Variants in SLC7A8 observed in about 807,000 individuals in gnomAD.
SLC7A8 encodes large neutral amino acids transporter small subunit 2.
In SLC7A8, 30 loss-of-function variants were observed where a neutral mutation model predicts 51.2. The ratio of observed to expected loss-of-function variants is 0.59; its 90% CI spans 0.44 to 0.80. SLC7A8 has a LOEUF of 0.80. SLC7A8 is among the 30% of genes least tolerant of loss of function. The probability of loss-of-function intolerance (pLI) is 0.00; values close to 1 mark genes in which losing one functional copy is unlikely to be tolerated. For missense variants in SLC7A8, 612 were observed against 674.4 expected (o/e 0.91, Z 1.03); for synonymous variants, 257 against 275.8 (o/e 0.93, Z 0.67).
intron 4 of SLC7A8, among the ~76,000 whole-genome samples, chr14:23,142,189 G>C (rs2048751603): frequency 6.6e-6 from 1 of 152,176 alleles, no homozygotes; most frequent in African/African-American, 2.4e-5. Context: ...AGGGCTTGTG[G>C]GAAATTTCCC....
intron 7 of SLC7A8, among the ~76,000 whole-genome samples, chr14:23,133,255 T>G (rs1004229961): frequency 6.6e-6 from 1 of 151,768 alleles, no homozygotes; most frequent in African/African-American, 2.4e-5. Context: ...CTGGGCAAAA[T>G]AGTGGACCCT....
At position 23,165,658 on chromosome 14, in the gene SLC7A8, C is replaced by T. The variant is rs1437434224; in HGVS notation, c.357-222G>A. 6.6e-6 allele frequency among the ~76,000 whole-genome samples: 1 copy of T among 152,184 alleles called. No individual in the cohort carries two copies. The highest frequency in any genetic ancestry group is 1.5e-5 in the Non-Finnish European group (1 of 68,030). Reference sequence around the variant, plus strand: ...AAGCACTAACACAAGTCTTGGCGTTCTTCCTTTCTCTCCTCTCCTTTCATG... The same window carrying T: ...AAGCACTAACACAAGTCTTGGCGTTTTTCCTTTCTCTCCTCTCCTTTCATG... On this transcript the variant is annotated intron_variant, in intron 2 of 10. Coordinates refer to ENST00000316902, the MANE Select transcript of SLC7A8 (RefSeq NM_012244.4). The surrounding 1 kb of genome is among the most constrained non-coding windows in gnomAD (Gnocchi z 4.2).
At position 23,182,819 on chromosome 14, in the gene SLC7A8, G is replaced by A. The variant is rs200672039; in HGVS notation, c.96C>T (p.Gly32=). 1.2e-5 allele frequency: 20 copies of A among 1,613,144 alleles called. No homozygotes were observed. Among genetic ancestry groups the A allele is most frequent in the Non-Finnish European group, 1.7e-5 (20 of 1,179,672 alleles). The change falls in exon 1 of 11, where the codon GGC becomes GGT. Residue 32 remains glycine, a synonymous_variant. Transcript: ENST00000316902. ...CGATCTCTTTCTTCAGGGCTACTCC[G>A]CCCCCTCCGGAACCAGCCTCGGGGC... The part of the protein sequence containing the change: ...DASPEAGSGG[G]GVALKKEIGL...
chr14:23,133,140 A>T (rs1252965559), intron 7 of SLC7A8, among the ~76,000 whole-genome samples: 1 of 152,156 alleles, frequency 6.6e-6, no homozygotes, highest in African/African-American at 2.4e-5. Flanking sequence ...GATTGAGTTT[A>T]AAAAAATTAT....
In SLC7A8 at chr14:23,126,746, C is replaced by A. The variant is rs2048580184; in HGVS notation, c.*431G>T. The A allele has an allele frequency of 1.0e-5, 2 of 196,654 alleles. No individual in the cohort carries two copies. The allele number at this position is 196,654 out of a possible 1,614,324, so 12.2% of individuals were successfully genotyped here. Reference sequence around the variant, plus strand: ...TAGGGTCTTGGGTCTCTCCAGCTGACCCCTTGATGGGGACAGAATTGCTTG... The same window carrying A: ...TAGGGTCTTGGGTCTCTCCAGCTGAACCCTTGATGGGGACAGAATTGCTTG... On this transcript the variant is annotated 3_prime_UTR_variant, in exon 11 of 11. Coordinates refer to ENST00000316902, the MANE Select transcript of SLC7A8 (RefSeq NM_012244.4).
At chr14:23,154,227 G>A (rs1385926580) in intron 3 of SLC7A8, 1 of 998,790 alleles carries the variant, frequency 1.0e-6, no homozygotes, top group East Asian at 1.1e-4. Context: ...CTGGGTCATG[G>A]CCTGCCAGAA....
chr14:23,144,428 T>C (rs2048773124), intron 3 of SLC7A8, among the ~76,000 whole-genome samples: 1 of 151,498 alleles, frequency 6.6e-6, no homozygotes, highest in Admixed American at 6.6e-5. Flanking sequence ...TGGCTAATGA[T>C]GTTGAGCAAC....
rs374870578 is a variant in SLC7A8, at chr14:23,165,357, C to T, written c.436G>A (p.Val146Met). ...CAGGTGGGGAAGAGCGGCTGCAGCA[C>T]GTAGTTGGAGAAGGTGAGGGCGATG... ...AVIALTFSNY[V>M]LQPLFPTCFP... The change falls in exon 3 of 11, where the codon GTG becomes ATG. Residue 146 changes from valine to methionine, a missense_variant. By Grantham distance (21) the Val-to-Met change is conservative. Transcript: ENST00000316902. This position sits in a 1 kb window ranked among gnomAD's most constrained non-coding sequence, Gnocchi z 4.2. 129 of 1,603,498 alleles carry T rather than the reference C, an allele frequency of 8.0e-5. No homozygotes were observed. Among genetic ancestry groups the T allele is most frequent in the East Asian group, 4.1e-4 (18 of 44,056 alleles).
chr14:23,182,017 C>T (rs1176759106), intron 1 of SLC7A8, among the ~76,000 whole-genome samples: 7 of 152,196 alleles, frequency 4.6e-5, no homozygotes, highest in Admixed American at 4.6e-4. Flanking sequence ...CCATCAGTTC[C>T]TCCTCAACTC....
intron 1 of SLC7A8, among the ~76,000 whole-genome samples, chr14:23,172,901 G>T (rs1715972766): frequency 6.6e-6 from 1 of 151,734 alleles, no homozygotes; most frequent in South Asian, 2.1e-4. Context: ...TTTCAAATTT[G>T]AGCCTGGATG....
chr14:23,179,453 G>A (rs1877062133), intron 1 of SLC7A8, among the ~76,000 whole-genome samples: 1 of 151,686 alleles, frequency 6.6e-6, no homozygotes, highest in Non-Finnish European at 1.5e-5. Flanking sequence ...CTCTTAGTCA[G>A]TAAGGTATGA....
intron 1 of SLC7A8, among the ~76,000 whole-genome samples, chr14:23,171,109 T>C (rs2048973468): frequency 6.6e-6 from 1 of 152,208 alleles, no homozygotes; most frequent in Admixed American, 6.5e-5. Context: ...TTAGACTCAT[T>C]GTCTGTAAAG....
rs962399348 is a variant in SLC7A8 at position 23,128,544 on chromosome 14, C to T, written c.1264-348G>A. ...AAGCCCACAGGGATGGAGAAGCTTG[C>T]TGGCACATGGGTGTGTCTGCTGAGG... On this transcript the variant is annotated intron_variant, in intron 9 of 10. Transcript: ENST00000316902. This position sits in a 1 kb window ranked among gnomAD's most constrained non-coding sequence, Gnocchi z 4.3. Among the ~76,000 whole-genome samples, 1 of 152,200 alleles carries T rather than the reference C, an allele frequency of 6.6e-6. No homozygotes were observed. The highest frequency in any genetic ancestry group is 1.9e-4 in the East Asian group (1 of 5,196).
intron 3 of SLC7A8, among the ~76,000 whole-genome samples, chr14:23,153,166 G>A (rs1290308350): frequency 1.3e-5 from 2 of 152,258 alleles, no homozygotes; most frequent in Middle Eastern, 3.4e-3. Context: ...AGGCTGAAGT[G>A]CAGTGGCATG....
intron 1 of SLC7A8, among the ~76,000 whole-genome samples, chr14:23,168,961 C>T (rs576265165): frequency 2.6e-5 from 4 of 152,092 alleles, no homozygotes; most frequent in South Asian, 2.1e-4. Flanking sequence ...AGAGTGATTG[C>T]GAGGGTCACA....
At chr14:23,131,831 T>C (rs2048637383) in intron 7 of SLC7A8, among the ~76,000 whole-genome samples, 1 of 152,202 alleles carries the variant, frequency 6.6e-6, no homozygotes, top group Non-Finnish European at 1.5e-5. Flanking sequence ...CTGATAATTG[T>C]ACTGTCACTC....
Position 23,182,918 on chromosome 14 carries a change from T to A in SLC7A8, c.-4A>T. 1 of 1,614,082 alleles carries A rather than the reference T, an allele frequency of 6.2e-7. No individual in the cohort carries two copies. Among genetic ancestry groups the A allele is most frequent in the African/African-American group, 1.3e-5 (1 of 75,028 alleles). Reference sequence around the variant, plus strand: ...GGTGCCTGGCTCCTTCTTCCATCCTTCTCAGTAGGATTGCAACCTCAAAAG... The same window carrying A: ...GGTGCCTGGCTCCTTCTTCCATCCTACTCAGTAGGATTGCAACCTCAAAAG... On this transcript the variant is annotated 5_prime_UTR_variant, in exon 1 of 11. Transcript: ENST00000316902.
chr14:23,151,974 A>T (rs755366745), intron 3 of SLC7A8, among the ~76,000 whole-genome samples: 5 of 152,022 alleles, frequency 3.3e-5, no homozygotes, highest in Non-Finnish European at 7.4e-5. Context: ...CCTGGGAGGC[A>T]GAGGTTGCAG....
chr14:23,161,957 C>A (rs1451170988), intron 3 of SLC7A8, among the ~76,000 whole-genome samples: 1 of 144,108 alleles, frequency 6.9e-6, no homozygotes, highest in African/African-American at 2.5e-5. Flanking sequence ...ATCTACCAAG[C>A]CTTCCTGACA....
Sources: gnomAD v4.1 joint callset for allele counts (sites outside exome capture counted in the v4.1 genomes callset) on GRCh38, gnomAD v4.1.1 for gene constraint, Gnocchi (gnomAD v3.1) non-coding constraint, MANE v1.5 for transcripts, NCBI Gene and HGNC (gene_info 2026-07-23, HGNC 2026-07-21) for gene names.